The following NTM variants were observed in gnomAD, a reference collection of about 807,000 sequenced individuals.
NTM encodes the protein IgLON family member 2.
Under a neutral mutation model 42.1 loss-of-function variants are expected in NTM, and 13 were observed. That is an observed-to-expected ratio of 0.31 (90% CI 0.20 to 0.49). The LOEUF is 0.49. Among genes scored for constraint, NTM ranks in the 20% least tolerant of loss-of-function variants. NTM has a pLI of 0.99. For synonymous variants in NTM, 187 were observed against 179.2 expected, an observed-to-expected ratio of 1.04 and a Z score of -0.35; for missense variants, 373 against 452.8, an observed-to-expected ratio of 0.82 and a Z score of 1.60.
intron 1 of NTM, among the ~76,000 whole-genome samples, chr11:131,749,320 C>T (rs535593095): frequency 6.6e-6 from 1 of 152,184 alleles, no homozygotes; most frequent in Non-Finnish European, 1.5e-5. Flanking sequence ...GGGAATGATA[C>T]AGATATCCAC....
At chr11:131,651,427 G>T (rs1278616404) in intron 1 of NTM, among the ~76,000 whole-genome samples, 1 of 152,148 alleles carries the variant, frequency 6.6e-6, no homozygotes, top group Non-Finnish European at 1.5e-5. Context: ...TAAACTTTAA[G>T]CAAGATTCCC....
intron 7 of NTM, 118 bp from the exon 8 acceptor site, chr11:132,330,035 G>A (rs747657950): frequency 1.5e-5 from 22 of 1,479,110 alleles, no homozygotes; most frequent in Non-Finnish European, 1.8e-5. Context: ...ATGGGCAAGA[G>A]GCGCAGGGAC....
At position 132,076,293 on chromosome 11, in the gene NTM, A is replaced by G. The variant is rs2058353326; in HGVS notation, c.168-69989A>G. ...TGCAACAACTCAACTCAGCCATGCA[A>G]TAGAATAAGCATGGCATCCCAATAA... On this transcript the variant is annotated intron_variant, in intron 2 of 8. Coordinates refer to ENST00000683400, the MANE Select transcript of NTM (RefSeq NM_001352005.2). Among the ~76,000 whole-genome samples, 4 of 152,322 alleles carry G rather than the reference A, an allele frequency of 2.6e-5. No homozygotes were observed. In the South Asian group the frequency reaches 6.2e-4, roughly 24 times the overall value.
At chr11:131,569,564 T>A (rs1338022521) in intron 1 of NTM, among the ~76,000 whole-genome samples, 1 of 150,716 alleles carries the variant, frequency 6.6e-6, no homozygotes. Context: ...CTTTTCTTTT[T>A]TTCTTCTCTC....
At chr11:132,095,377 G>A (rs763514792) in intron 2 of NTM, among the ~76,000 whole-genome samples, 7 of 152,000 alleles carry the variant, frequency 4.6e-5, no homozygotes, top group Non-Finnish European at 7.4e-5. Flanking sequence ...TTCATCCACT[G>A]TCTCCGCCAA....
At chr11:132,259,467 G>T (rs950337520) in intron 4 of NTM, among the ~76,000 whole-genome samples, 1 of 151,982 alleles carries the variant, frequency 6.6e-6, no homozygotes, top group African/African-American at 2.4e-5. Flanking sequence ...GGATCACAAG[G>T]TCAGGAGTTT....
intron 2 of NTM, among the ~76,000 whole-genome samples, chr11:132,126,263 A>G (rs1377543635): frequency 6.6e-6 from 1 of 152,176 alleles, no homozygotes; most frequent in Non-Finnish European, 1.5e-5. Context: ...TCTCCAGCCC[A>G]GCTGTGGTGA....
chr11:132,078,071 G>T (rs1431942012), intron 2 of NTM, among the ~76,000 whole-genome samples: 1 of 152,130 alleles, frequency 6.6e-6, no homozygotes, highest in East Asian at 1.9e-4. Context: ...ATATTTTCTT[G>T]CCCCACACGA....
intron 1 of NTM, among the ~76,000 whole-genome samples, chr11:131,519,773 T>A (rs2136543928): frequency 7.0e-6 from 1 of 142,546 alleles, no homozygotes; most frequent in East Asian, 2.1e-4. Context: ...GCCCAACTCT[T>A]CTTTACTTTC....
chr11:131,823,452 C>T (rs890797325), intron 1 of NTM, among the ~76,000 whole-genome samples: 7 of 152,178 alleles, frequency 4.6e-5, no homozygotes, highest in Middle Eastern at 6.3e-3. Context: ...AGACGCGGCT[C>T]AGACCCTGGT....
In NTM at chr11:131,748,869, A is replaced by G. The variant is rs1272046902; in HGVS notation, c.83-162695A>G. Among the ~76,000 whole-genome samples the G allele has an allele frequency of 6.8e-4, 104 of 152,212 alleles. 2 individuals carry two copies. Among genetic ancestry groups the G allele is most frequent in the Non-Finnish European group, 1.9e-4 (13 of 68,044 alleles). Reference sequence around the variant, plus strand: ...GAGTGTATGGGACTGGACGGTTCCCAGTGCCAGGCGGCCCTGCTTTCCTCA... The same window carrying G: ...GAGTGTATGGGACTGGACGGTTCCCGGTGCCAGGCGGCCCTGCTTTCCTCA... On this transcript the variant is annotated intron_variant, in intron 1 of 8. Transcript: ENST00000683400.
At chr11:131,789,052 C>G (rs114651416) in intron 1 of NTM, among the ~76,000 whole-genome samples, 1 of 152,002 alleles carries the variant, frequency 6.6e-6, no homozygotes, top group Non-Finnish European at 1.5e-5. Flanking sequence ...GAATGAGTGT[C>G]GACTCTCGAA....
chr11:131,744,992 TAGAC>T (rs1488421680), intron 1 of NTM, among the ~76,000 whole-genome samples: 1 of 152,194 alleles, frequency 6.6e-6, no homozygotes, highest in Non-Finnish European at 1.5e-5. Context: ...GCAGAAGGGT[TAGAC>T]AGAGCTGCAA....
intron 2 of NTM, among the ~76,000 whole-genome samples, chr11:132,024,039 C>T (rs1044814490): frequency 2.6e-5 from 4 of 151,800 alleles, no homozygotes; most frequent in African/African-American, 4.8e-5. Context: ...CAGGAGGTCT[C>T]GATCTCCTGA....
intron 1 of NTM, among the ~76,000 whole-genome samples, chr11:131,860,819 A>G (rs575242308): frequency 9.2e-5 from 14 of 152,108 alleles, no homozygotes; most frequent in Non-Finnish European, 1.9e-4. Context: ...GATTTGCACA[A>G]CCTTCATGGA....
At chr11:131,475,265 T>C (rs2136200944) in intron 1 of NTM, among the ~76,000 whole-genome samples, 1 of 152,336 alleles carries the variant, frequency 6.6e-6, no homozygotes, top group East Asian at 1.9e-4. Context: ...TTGAGGAAGC[T>C]GATAACTAAT....
At chr11:131,863,991 T>G (rs2046888914) in intron 1 of NTM, among the ~76,000 whole-genome samples, 1 of 151,922 alleles carries the variant, frequency 6.6e-6, no homozygotes, top group African/African-American at 2.4e-5. Context: ...CTTGTAGAAA[T>G]GGAGTGTTGG....
At chr11:131,958,669 G>A (rs549553984) in intron 2 of NTM, among the ~76,000 whole-genome samples, 7 of 152,270 alleles carry the variant, frequency 4.6e-5, no homozygotes, top group Middle Eastern at 3.4e-3. Context: ...GTGCAGCTAC[G>A]TTTTGTAATG....
At chr11:131,768,357 A>G (rs1453998736) in intron 1 of NTM, among the ~76,000 whole-genome samples, 1 of 152,108 alleles carries the variant, frequency 6.6e-6, no homozygotes, top group Non-Finnish European at 1.5e-5. Flanking sequence ...ACCTCAGGTG[A>G]TCCACCTGCC....
Sources: gnomAD v4.1 joint callset for allele counts (sites outside exome capture counted in the v4.1 genomes callset) on GRCh38, gnomAD v4.1.1 for gene constraint, MANE v1.5 for transcripts, NCBI Gene and HGNC (gene_info 2026-07-23, HGNC 2026-07-21) for gene names.